Variants in PHACTR2 observed in about 807,000 individuals in gnomAD.
The protein encoded by PHACTR2 is phosphatase and actin regulator 2, also known as chromosome 6 open reading frame 56.
A neutral mutation model predicts 76.0 loss-of-function variants in PHACTR2; 30 were observed. The ratio of observed to expected loss-of-function variants is 0.39; its 90% CI spans 0.30 to 0.54. The LOEUF (loss-of-function observed/expected upper bound fraction) is 0.54. PHACTR2 is among the 20% of genes least tolerant of loss of function. PHACTR2 has a pLI of 0.61. For synonymous variants in PHACTR2, 292 were observed against 292.5 expected, an observed-to-expected ratio of 1.00 and a Z score of 0.02; for missense variants, 696 against 781.1, an observed-to-expected ratio of 0.89 and a Z score of 1.30.
chr6:143,603,690 G>T (rs1485786297), upstream of PHACTR2, among the ~76,000 whole-genome samples: 1 of 152,176 alleles, frequency 6.6e-6, no homozygotes, highest in Non-Finnish European at 1.5e-5. Context: ...AACTGTTTTT[G>T]GTTAATAGTT....
rs1343994922 is a variant in PHACTR2 at position 143,783,952 on chromosome 6, C to A, written c.1707+672C>A. On this transcript the variant is annotated intron_variant, in intron 10 of 12. Coordinates refer to ENST00000440869, the MANE Select transcript of PHACTR2 (RefSeq NM_001100164.2). This position sits in a 1 kb window ranked among gnomAD's most constrained non-coding sequence, Gnocchi z 5.2. ...GGAGGATTGCTTGAGCCCAGGAGGT[C>A]AAGACCAGCCTGGACAACATAGTGA... Among the ~76,000 whole-genome samples, 1 of 144,634 alleles carries A rather than the reference C, an allele frequency of 6.9e-6. No individual in the cohort carries two copies. The highest frequency in any genetic ancestry group is 1.5e-5 in the Non-Finnish European group (1 of 66,940). The allele number at this position is 144,634 out of a possible 152,430, so 94.9% of individuals were successfully genotyped here.
At chr6:143,568,427 C>G (rs531975616) in intron 1 of PHACTR2, among the ~76,000 whole-genome samples, 1 of 152,348 alleles carries the variant, frequency 6.6e-6, no homozygotes, top group African/African-American at 2.4e-5. Context: ...AGTTAGTTCT[C>G]TCTGCTGATC....
At position 143,556,234 on chromosome 6, in the gene PHACTR2, C is replaced by T. The variant is rs565713744; in HGVS notation, c.217+19027C>T. On this transcript the variant is annotated intron_variant, in intron 1 of 11. Transcript: ENST00000367584. This position sits in a 1 kb window ranked among gnomAD's most constrained non-coding sequence, Gnocchi z 4.3. The stretch of plus-strand genomic sequence containing the variant: ...GCTACTGTATAATTCGGCCCCAGTT[C>T]ATTTCAGACTTTCTTCCTTAAATTC... Among the ~76,000 whole-genome samples, 67 of 152,332 alleles carry T rather than the reference C, an allele frequency of 4.4e-4. No homozygotes were observed. Among genetic ancestry groups the T allele is most frequent in the African/African-American group, 1.5e-3 (62 of 41,564 alleles).
rs763258100 is a variant in PHACTR2, at chr6:143,739,867, T to C, written c.215-9118T>C. The stretch of plus-strand genomic sequence containing the variant: ...CTTCCCTCCTCCCACCTCGGTCTTA[T>C]CTGTGACCTCCTACTACCTGAAATT... On this transcript the variant is annotated intron_variant, in intron 2 of 12. Transcript: ENST00000440869. This position sits in a 1 kb window ranked among gnomAD's most constrained non-coding sequence, Gnocchi z 4.3. Among the ~76,000 whole-genome samples the C allele has an allele frequency of 4.6e-5, 7 of 152,196 alleles. No homozygotes were observed. The highest frequency in any genetic ancestry group is 2.1e-4 in the South Asian group (1 of 4,832).
intron 1 of PHACTR2, among the ~76,000 whole-genome samples, chr6:143,705,538 T>C (rs751695423): frequency 6.6e-6 from 1 of 152,150 alleles, no homozygotes; most frequent in Admixed American, 6.5e-5. Context: ...TCGCGTGATC[T>C]GCCCACCTCA....
At chr6:143,763,855 T>C (rs769887576) in intron 5 of PHACTR2, among the ~76,000 whole-genome samples, 1 of 152,218 alleles carries the variant, frequency 6.6e-6, no homozygotes, top group Non-Finnish European at 1.5e-5. Flanking sequence ...TTCACAATGC[T>C]AACAAGATGT....
At chr6:143,711,929 C>T (rs571586101) in intron 1 of PHACTR2, 87 bp from the exon 2 acceptor site, 11 of 1,158,704 alleles carry the variant, frequency 9.5e-6, no homozygotes, top group East Asian at 4.7e-5. Context: ...ACGTGCTTAC[C>T]GTTAACAGCC....
rs746594257 is a variant in PHACTR2 at position 143,541,036 on chromosome 6, C to T, written c.217+3829C>T. ...AAACCCTGAGGCTCAAGGGATCCTG[C>T]TGCCTCAGCCTCCTGAGTAGCTGGT... On this transcript the variant is annotated intron_variant, in intron 1 of 11. Coordinates refer to the PHACTR2 transcript ENST00000367584. This position sits in a 1 kb window ranked among gnomAD's most constrained non-coding sequence, Gnocchi z 5.3. 6.6e-6 allele frequency among the ~76,000 whole-genome samples: 1 copy of T among 152,238 alleles called. No homozygotes were observed. The highest frequency in any genetic ancestry group is 1.5e-5 in the Non-Finnish European group (1 of 68,042).
chr6:143,660,790 G>A (rs1489366070), intron 1 of PHACTR2, among the ~76,000 whole-genome samples: 2 of 152,126 alleles, frequency 1.3e-5, no homozygotes, highest in East Asian at 1.9e-4. Context: ...CAAGTGGCAC[G>A]CTCCTTAGAA....
At chr6:143,805,479 CAAAAA>C (rs746027973) in intron 11 of PHACTR2, among the ~76,000 whole-genome samples, 5 of 95,190 alleles carry the variant, frequency 5.3e-5, no homozygotes, top group Non-Finnish European at 1.1e-4. Context: ...AACTCCGTCT[CAAAAA>C]AAAAAAAAAA....
At position 143,730,493 on chromosome 6, in the gene PHACTR2, C is replaced by T. The variant is rs1197884675; in HGVS notation, c.214+18310C>T. Among the ~76,000 whole-genome samples the T allele has an allele frequency of 6.6e-6, 1 of 152,120 alleles. No homozygotes were observed. The highest frequency in any genetic ancestry group is 1.5e-5 in the Non-Finnish European group (1 of 68,026). On this transcript the variant is annotated intron_variant, in intron 2 of 12. Transcript: ENST00000440869. The surrounding 1 kb of genome is among the most constrained non-coding windows in gnomAD (Gnocchi z 4.8). ...CCTTGTATCATGCTACCTTATTAAA[C>T]TCACTTATCAGTTCTAGTAGTTCTA...
intron 1 of PHACTR2, among the ~76,000 whole-genome samples, chr6:143,620,576 A>G (rs766815808): frequency 1.3e-5 from 2 of 152,216 alleles, no homozygotes; most frequent in African/African-American, 4.8e-5. Flanking sequence ...GCTTTTATAG[A>G]TATGAAACTA....
rs77893069 is a variant in PHACTR2 at position 143,709,506 on chromosome 6, T to C, written c.47-2510T>C. ...TTCGATGGAAACTTGGACATTTTTG[T>C]ATTATGTTATGTGACTCTAGATCTT... On this transcript the variant is annotated intron_variant, in intron 1 of 12. Coordinates refer to ENST00000440869, the MANE Select transcript of PHACTR2 (RefSeq NM_001100164.2). The surrounding 1 kb of genome is among the most constrained non-coding windows in gnomAD (Gnocchi z 4.4). Among the ~76,000 whole-genome samples the C allele has an allele frequency of 3.6e-3, 551 of 152,324 alleles. 17 individuals carry two copies. In the East Asian group the frequency reaches 0.069, roughly 19 times the overall value.
rs1394408753 is a variant in PHACTR2 at position 143,652,878 on chromosome 6, G to A, written c.13+44556G>A. ...AGTCACTTTGTAGCAGCCACTCTAA[G>A]GAGGATGATTCATGGTCCCTGTGCA... On this transcript the variant is annotated intron_variant, in intron 1 of 11. Coordinates refer to the PHACTR2 transcript ENST00000305766. This position sits in a 1 kb window ranked among gnomAD's most constrained non-coding sequence, Gnocchi z 4.5. 6.6e-6 allele frequency among the ~76,000 whole-genome samples: 1 copy of A among 152,194 alleles called. No individual in the cohort carries two copies. Among genetic ancestry groups the A allele is most frequent in the Non-Finnish European group, 1.5e-5 (1 of 68,038 alleles).
chr6:143,777,272 T>G lies in PHACTR2; in HGVS notation c.1590-56T>G. On this transcript the variant is annotated intron_variant, in intron 8 of 12. Transcript: ENST00000440869. The surrounding 1 kb of genome is among the most constrained non-coding windows in gnomAD (Gnocchi z 4.6). ...TAGAGCTTTGTTGTTTTATTCTGAG[T>G]CTCCTACTAGGGTACCTTGTTTTTA... 1 of 872,640 alleles carries G rather than the reference T, an allele frequency of 1.1e-6. No individual in the cohort carries two copies. The highest frequency in any genetic ancestry group is 1.9e-6 in the Non-Finnish European group (1 of 535,046). The allele number at this position is 872,640 out of a possible 1,614,324, so 54.1% of individuals were successfully genotyped here. A position where few individuals can be genotyped will look rare whatever the true frequency, so the allele number is the denominator to read the frequency against.
Position 143,782,458 on chromosome 6 carries a change from C to G in PHACTR2, c.1646-761C>G, listed in dbSNP as rs1006015723. On this transcript the variant is annotated intron_variant, in intron 9 of 12. Coordinates refer to ENST00000440869, the MANE Select transcript of PHACTR2 (RefSeq NM_001100164.2). The surrounding 1 kb of genome is among the most constrained non-coding windows in gnomAD (Gnocchi z 4.6). The stretch of plus-strand genomic sequence containing the variant: ...AGAGAGATGTTCCTCAAGTAAGCAA[C>G]AACCAGCAAAACCTGAAGGGGTGTT... 6.6e-6 allele frequency among the ~76,000 whole-genome samples: 1 copy of G among 152,160 alleles called. No individual in the cohort carries two copies. Among genetic ancestry groups the G allele is most frequent in the African/African-American group, 2.4e-5 (1 of 41,430 alleles).
chr6:143,718,484 G>C (rs1191159272), intron 2 of PHACTR2, among the ~76,000 whole-genome samples: 1 of 152,192 alleles, frequency 6.6e-6, no homozygotes. Context: ...TCTAAAAGGT[G>C]TCTTCCTACC....
At chr6:143,817,189 A>G (rs933646532) in intron 12 of PHACTR2, among the ~76,000 whole-genome samples, 2 of 152,112 alleles carry the variant, frequency 1.3e-5, no homozygotes, top group African/African-American at 4.8e-5. Context: ...AGAAAACATC[A>G]GGTTTCCTTA....
intron 1 of PHACTR2, among the ~76,000 whole-genome samples, chr6:143,655,096 G>A (rs1330833874): frequency 6.6e-6 from 1 of 150,502 alleles, no homozygotes; most frequent in Non-Finnish European, 1.5e-5. Flanking sequence ...GGCGGAGGTT[G>A]CGGTGAGCCG....
Sources: allele counts gnomAD v4.1 joint callset (sites outside exome capture counted in the v4.1 genomes callset), GRCh38; gene constraint gnomAD v4.1.1; non-coding constraint Gnocchi (gnomAD v3.1); transcripts MANE v1.5; gene names NCBI Gene and HGNC (gene_info 2026-07-23, HGNC 2026-07-21).